NIN: variants seen among roughly 807,000 people sequenced by gnomAD.
The protein encoded by NIN is glycogen synthase kinase 3 beta-interacting protein.
NIN carries 137 observed loss-of-function variants against 257.6 expected under a neutral mutation model. The ratio of observed to expected loss-of-function variants is 0.53; its 90% CI spans 0.46 to 0.61. NIN has a LOEUF of 0.61. Among genes scored for constraint, NIN ranks in the 20% least tolerant of loss-of-function variants. The pLI is 0.00. For missense variants in NIN, 2,439 were observed against 2,501.2 expected (o/e 0.98, Z 0.53); for synonymous variants, 918 against 919.8 (o/e 1.00, Z 0.04).
chr14:50,740,639 T>G (rs12885688), intron 25 of NIN, among the ~76,000 whole-genome samples: 6,745 of 152,070 alleles, frequency 0.044, 214 homozygotes, highest in Non-Finnish European at 0.066. Context: ...TGAGCCACCA[T>G]GCCTGGCCAT....
rs777248945 is a variant in NIN at position 50,771,430 on chromosome 14, T to C, written c.1020A>G (p.Thr340=). The part of the protein sequence containing the change: ...DFSLDGNINL[T]ELTLALENEL... ...CATTTTCAAGGGCCAGTGTTAATTC[T>C]GTCAAATTGATGTTTCCATCGAGGC... The change falls in exon 10 of 31, where the codon ACA becomes ACG. Residue 340 remains threonine (T), a synonymous_variant. Coordinates refer to ENST00000530997, the MANE Select transcript of NIN (RefSeq NM_020921.4). 2 of 1,614,154 alleles carry C rather than the reference T, an allele frequency of 1.2e-6. No homozygotes were observed. The highest frequency in any genetic ancestry group is 3.3e-5 in the Admixed American group (2 of 60,026).
At chr14:50,822,715 A>G (rs1292743699) in intron 2 of NIN, among the ~76,000 whole-genome samples, 1 of 152,236 alleles carries the variant, frequency 6.6e-6, no homozygotes, top group East Asian at 1.9e-4. Flanking sequence ...CCTGTTTTAC[A>G]TGAAACTAAA....
intron 2 of NIN, among the ~76,000 whole-genome samples, chr14:50,827,413 A>C (rs911171186): frequency 6.6e-6 from 1 of 152,132 alleles, no homozygotes; most frequent in South Asian, 2.1e-4. Flanking sequence ...AAAATATAAC[A>C]CGAAAGCTTA....
At chr14:50,769,772 G>A (rs2042650416) in intron 12 of NIN, among the ~76,000 whole-genome samples, 1 of 152,016 alleles carries the variant, frequency 6.6e-6, no homozygotes, top group African/African-American at 2.4e-5. Flanking sequence ...AAAGTGCTGG[G>A]ATTACAAAAC....
chr14:50,794,748 C>T (rs1489154730), intron 4 of NIN, among the ~76,000 whole-genome samples: 1 of 142,434 alleles, frequency 7.0e-6, no homozygotes, highest in Non-Finnish European at 1.5e-5. Flanking sequence ...GCATGCTGCA[C>T]TTATTCAGAG....
chr14:50,770,803 C>G lies in NIN; in HGVS notation c.1259+49G>C, dbSNP rs771768681. ...CCCCTGCAGCTGCAGGCGCCACTGC[C>G]CTGGGCCAGGGTGGTGGGTGAGGAG... On this transcript the variant is annotated intron_variant, in intron 11 of 30. Transcript: ENST00000530997. 9 of 1,582,888 alleles carry G rather than the reference C, an allele frequency of 5.7e-6. No individual in the cohort carries two copies. In the Middle Eastern group the frequency reaches 5.4e-4, roughly 95 times the overall value.
intron 5 of NIN, among the ~76,000 whole-genome samples, chr14:50,788,529 G>C (rs2043440169): frequency 6.6e-6 from 1 of 152,128 alleles, no homozygotes; most frequent in Admixed American, 6.5e-5. Flanking sequence ...TATGCTTATG[G>C]GCAATAGGAG....
chr14:50,763,851 G>A lies in NIN; in HGVS notation c.1749C>T (p.Asn583=), dbSNP rs2141687132. 6.2e-7 allele frequency: 1 copy of A among 1,613,914 alleles called. No individual in the cohort carries two copies. Among genetic ancestry groups the A allele is most frequent in the Non-Finnish European group, 8.5e-7 (1 of 1,179,862 alleles). The part of the protein sequence containing the change: ...KNSPSEEVEA[N]SGGIEPEHGL... ...CGTGTTCGGGCTCAATGCCACCGCTGTTAGCCTCAACTTCTTCTGACGGTG... is the reference window on the plus strand; with the variant it reads ...CGTGTTCGGGCTCAATGCCACCGCTATTAGCCTCAACTTCTTCTGACGGTG... Residue 583 remains asparagine, a synonymous_variant, in exon 15 of 31, where the codon AAC becomes AAT. Coordinates refer to ENST00000530997, the MANE Select transcript of NIN (RefSeq NM_020921.4).
chr14:50,788,782 C>T (rs2141989358), intron 5 of NIN, among the ~76,000 whole-genome samples: 1 of 152,324 alleles, frequency 6.6e-6, no homozygotes, highest in East Asian at 1.9e-4. Flanking sequence ...TGTTCCATTC[C>T]ACTGCCCACT....
intron 3 of NIN, among the ~76,000 whole-genome samples, chr14:50,817,784 C>T (rs1357058751): frequency 2.6e-5 from 4 of 152,094 alleles, no homozygotes; most frequent in Admixed American, 2.0e-4. Flanking sequence ...GGCGTGATCT[C>T]GGCCCACTGC....
rs115640315 is a variant in NIN, at chr14:50,727,996, C to T, written c.6078+1527G>A. 8.0e-3 allele frequency among the ~76,000 whole-genome samples: 1,217 copies of T among 152,208 alleles called. 18 individuals carry two copies. Among genetic ancestry groups the T allele is most frequent in the African/African-American group, 0.027 (1,130 of 41,534 alleles). ...AGCTCAGCAGCGGGAAATGGGAGAG[C>T]CTGCAGTAGCATTCTGGTGAGAGTA... On this transcript the variant is annotated intron_variant, in intron 29 of 30. Coordinates refer to ENST00000530997, the MANE Select transcript of NIN (RefSeq NM_020921.4).
At chr14:50,740,957 C>T (rs1056538291) in intron 25 of NIN, among the ~76,000 whole-genome samples, 3 of 152,238 alleles carry the variant, frequency 2.0e-5, no homozygotes, top group African/African-American at 7.2e-5. Flanking sequence ...ACACTTTCTA[C>T]CACACCACCA....
chr14:50,823,239 T>C (rs986536988), intron 2 of NIN: 1 of 576,274 alleles, frequency 1.7e-6, no homozygotes, highest in Non-Finnish European at 3.5e-6. Flanking sequence ...CATCTGAAGA[T>C]GCCTTCGCCA....
At chr14:50,818,557 G>C (rs940310767) in intron 3 of NIN, among the ~76,000 whole-genome samples, 19 of 152,118 alleles carry the variant, frequency 1.2e-4, no homozygotes, top group African/African-American at 4.3e-4. Context: ...CGACTAGATT[G>C]TAAGTTTTTC....
chr14:50,782,699 CCACTAAATTCT>C (rs1011916528), intron 5 of NIN, among the ~76,000 whole-genome samples: 1 of 152,102 alleles, frequency 6.6e-6, no homozygotes, highest in Non-Finnish European at 1.5e-5. Flanking sequence ...ATTTATTTGC[CCACTAAATTCT>C]CACTAAATTT....
Position 50,735,528 on chromosome 14 carries a change from C to T in NIN, c.5865G>A (p.Glu1955=). 6.2e-7 allele frequency: 1 copy of T among 1,613,188 alleles called. No homozygotes were observed. The highest frequency in any genetic ancestry group is 1.1e-5 in the South Asian group (1 of 91,048). The change falls in exon 28 of 31, where the codon GAG becomes GAA. Residue 1955 remains glutamate (E), a synonymous_variant. Transcript: ENST00000530997. Reference sequence around the variant, plus strand: ...CTGAGAAACTTACCTCCATGAGCTGCTCATCCAGTTTTACTTGTTTCTTTT... The same window carrying T: ...CTGAGAAACTTACCTCCATGAGCTGTTCATCCAGTTTTACTTGTTTCTTTT... ...GLKKKQVKLD[E]QLMEMQHLRS... is the part of the protein sequence containing the mutation.
Position 50,763,961 on chromosome 14 carries a change from G to T in NIN, c.1639C>A (p.Leu547Ile). Reference protein sequence around the residue: ...RNEYERQCRVLQDQVDELQSE... With the variant: ...RNEYERQCRVIQDQVDELQSE... ...TGGAGTTCATCTACTTGGTCTTGTA[G>T]TACCTGGGATTTAAAAACCAACACT... is the stretch of plus-strand genomic sequence containing the variant. Residue 547 changes from leucine to isoleucine, a missense_variant, in exon 15 of 31, where the codon CTA becomes ATA. Physicochemically the swap from Leu to Ile is conservative, Grantham distance 5. Transcript: ENST00000530997. 6.2e-7 allele frequency: 1 copy of T among 1,613,138 alleles called. No individual in the cohort carries two copies. Among genetic ancestry groups the T allele is most frequent in the Non-Finnish European group, 8.5e-7 (1 of 1,179,224 alleles).
Position 50,759,420 on chromosome 14 carries a change from A to G in NIN, c.2399+437T>C, listed in dbSNP as rs938936756. On this transcript the variant is annotated intron_variant, in intron 17 of 30. Transcript: ENST00000530997. ...CAAAATAATGGCAAAAACAGTAAAAAAATATTTAAAAGAGTCTACTCAATC... is the reference window on the plus strand; with the variant it reads ...CAAAATAATGGCAAAAACAGTAAAAGAATATTTAAAAGAGTCTACTCAATC... Among the ~76,000 whole-genome samples the G allele has an allele frequency of 1.8e-4, 28 of 152,364 alleles. 1 individual carries two copies. The highest frequency in any genetic ancestry group is 6.3e-4 in the African/African-American group (26 of 41,592).
In NIN at chr14:50,744,336, G is replaced by T. The variant is rs369048374; in HGVS notation, c.5094C>A (p.Phe1698Leu). 1.2e-6 allele frequency: 2 copies of T among 1,614,038 alleles called. No homozygotes were observed. Among genetic ancestry groups the T allele is most frequent in the Non-Finnish European group, 1.7e-6 (2 of 1,179,948 alleles). Residue 1698 changes from phenylalanine to leucine, a missense_variant, in exon 23 of 31, where the codon TTC becomes TTA. Physicochemically the swap from Phe to Leu is conservative, Grantham distance 22. Transcript: ENST00000530997. ...TTAGAACACTAGAGATTTTTTGCTG[G>T]AAGTCAGAGAGATCGGGACATCTGT... ...QLHRCPDLSDFQQKISSVLSY... is the reference protein window; with the variant it reads ...QLHRCPDLSDLQQKISSVLSY...
Sources: gnomAD v4.1 joint callset for allele counts (sites outside exome capture counted in the v4.1 genomes callset) on GRCh38, gnomAD v4.1.1 for gene constraint, MANE v1.5 for transcripts, NCBI Gene and HGNC (gene_info 2026-07-23, HGNC 2026-07-21) for gene names.